POU6F1: variants seen among roughly 807,000 people sequenced by gnomAD.
The protein encoded by POU6F1 is POU class 6 homeobox 1.
In POU6F1, 9 loss-of-function variants were observed where a neutral mutation model predicts 28.9. The ratio of observed to expected loss-of-function variants is 0.31; its 90% confidence interval spans 0.19 to 0.54. POU6F1 has a LOEUF of 0.54. POU6F1 is among the 20% of genes least tolerant of loss of function. The probability of loss-of-function intolerance (pLI) is 0.94; values close to 1 mark genes in which losing one functional copy is unlikely to be tolerated. For synonymous variants in POU6F1, 173 were observed against 171.1 expected (o/e 1.01, Z -0.09); for missense variants, 338 against 426.1 (o/e 0.79, Z 1.82).
rs551218905 is a variant in POU6F1, at chr12:51,187,895, C to T, written c.*2352G>A. 1.3e-5 allele frequency: 2 copies of T among 152,268 alleles called. No homozygotes were observed. The highest frequency in any genetic ancestry group is 1.9e-4 in the East Asian group (1 of 5,182). 9.4% of individuals were successfully genotyped at this position (152,268 alleles called of 1,614,324 possible). A position where few individuals can be genotyped will look rare whatever the true frequency, so the allele number is the denominator to read the frequency against. ...TGTCTCTCTCAAAAAAGAAAGCATA[C>T]CTGAATGCAAGCGTCTGAGCATGAA... On this transcript the variant is annotated 3_prime_UTR_variant, in exon 11 of 11. Coordinates refer to ENST00000333640, the MANE Select transcript of POU6F1 (RefSeq NM_001330422.2).
intron 1 of POU6F1, among the ~76,000 whole-genome samples, chr12:51,209,447 T>A (rs1943841863): frequency 6.6e-6 from 1 of 152,260 alleles, no homozygotes; most frequent in African/African-American, 2.4e-5. Flanking sequence ...ATCCACATTG[T>A]AGCATGTGTC....
Position 51,196,800 on chromosome 12 carries a change from TGTCCCTGAGCATTG to T in POU6F1, c.960_973del (p.Asn321GlyfsTer13). The T allele has an allele frequency of 6.2e-7, 1 of 1,613,892 alleles. No homozygotes were observed. The highest frequency in any genetic ancestry group is 8.5e-7 in the Non-Finnish European group (1 of 1,179,872). ...CCAGCCCTGTCTTTGGCCACTTGCC[TGTCCCTGAGCATTG>T]GTGAGGATCTGACTGCTGATCCCTG... On this transcript the variant is annotated frameshift_variant and splice_region_variant, in exon 7 of 11. Transcript: ENST00000333640. LOFTEE classifies it high-confidence loss of function.
At position 51,197,878 on chromosome 12, in the gene POU6F1, G is replaced by T. The variant is rs1416107021; in HGVS notation, c.738C>A (p.Ile246=). 6 of 406,242 alleles carry T rather than the reference G, an allele frequency of 1.5e-5. No homozygotes were observed. The highest frequency in any genetic ancestry group is 1.0e-4 in the African/African-American group (5 of 48,718). 25.2% of individuals were successfully genotyped at this position (406,242 alleles called of 1,614,324 possible). A position where few individuals can be genotyped will look rare whatever the true frequency, so the allele number is the denominator to read the frequency against. The change falls in exon 6 of 11, where the codon ATC becomes ATA. Residue 246 remains isoleucine, a synonymous_variant. Coordinates refer to ENST00000333640, the MANE Select transcript of POU6F1 (RefSeq NM_001330422.2). Reference sequence around the variant, plus strand: ...CGGTGGCAGCAGTGGGCTGCGGGAGGATGGCAGGTGTGGTCTGCAGCAGCG... The same window carrying T: ...CGGTGGCAGCAGTGGGCTGCGGGAGTATGGCAGGTGTGGTCTGCAGCAGCG... The part of the protein sequence containing the change: ...TQPLLQTTPA[I]LPQPTAATAA...
chr12:51,207,506 C>T (rs1168242785), intron 1 of POU6F1: 3 of 152,112 alleles, frequency 2.0e-5, no homozygotes, highest in Non-Finnish European at 4.4e-5. Context: ...TGACCCTGAC[C>T]CTCAGAACCT....
rs1944342171 is a variant in POU6F1, at chr12:51,217,387, CGCGGGCGGGCG to C, written c.-48+244_-48+254del. Among the ~76,000 whole-genome samples the C allele has an allele frequency of 6.6e-6, 1 of 152,080 alleles. No homozygotes were observed. The highest frequency in any genetic ancestry group is 1.5e-5 in the Non-Finnish European group (1 of 67,996). On this transcript the variant is annotated intron_variant, in intron 1 of 10. Transcript: ENST00000333640. The surrounding 1 kb of genome is among the most constrained non-coding windows in gnomAD (Gnocchi z 5.3). ...CCTCCGCTCCAGGTCCAGAGCGGCC[CGCGGGCGGGCG>C]AGGGCGCGGCCCCCGGGTGTCTAGC...
chr12:51,204,412 T>G (rs1418648872), intron 2 of POU6F1, 44 bp from the exon 3 acceptor site: 1 of 398,902 alleles, frequency 2.5e-6, no homozygotes, highest in Non-Finnish European at 4.4e-6. Flanking sequence ...GGGGCCAGTA[T>G]AGCCGCAGGG....
Position 51,189,488 on chromosome 12 carries a change from A to T in POU6F1, c.*759T>A, listed in dbSNP as rs932389701. ...ATTTTCTAAATTCCCAACCTTCTGC[A>T]GACCCAGGAGAACTCCAGAACAGGT... On this transcript the variant is annotated 3_prime_UTR_variant, in exon 11 of 11. Coordinates refer to ENST00000333640, the MANE Select transcript of POU6F1 (RefSeq NM_001330422.2). 1.3e-5 allele frequency: 2 copies of T among 152,254 alleles called. No individual in the cohort carries two copies. Among genetic ancestry groups the T allele is most frequent in the African/African-American group, 4.8e-5 (2 of 41,470 alleles). 9.4% of individuals were successfully genotyped at this position (152,254 alleles called of 1,614,324 possible). A position where few individuals can be genotyped will look rare whatever the true frequency, so the allele number is the denominator to read the frequency against.
In POU6F1 at chr12:51,217,753, C is replaced by G. The variant is rs1190495923; in HGVS notation, c.-159G>C. ...GGGCCGGGGCCGGGGCCACGGCGGC[C>G]GCCGCCCGCAGACAAAGAAGCCAGT... On this transcript the variant is annotated 5_prime_UTR_variant, in exon 1 of 11. Coordinates refer to ENST00000333640, the MANE Select transcript of POU6F1 (RefSeq NM_001330422.2). The surrounding 1 kb of genome is among the most constrained non-coding windows in gnomAD (Gnocchi z 5.3). The G allele has an allele frequency of 2.0e-5, 3 of 152,014 alleles. No individual in the cohort carries two copies. Among genetic ancestry groups the G allele is most frequent in the African/African-American group, 7.3e-5 (3 of 41,346 alleles). 9.4% of individuals were successfully genotyped at this position (152,014 alleles called of 1,614,324 possible). A position where few individuals can be genotyped will look rare whatever the true frequency, so the allele number is the denominator to read the frequency against.
chr12:51,204,801 C>G (rs982127794), intron 2 of POU6F1, among the ~76,000 whole-genome samples: 1 of 152,102 alleles, frequency 6.6e-6, no homozygotes, highest in African/African-American at 2.4e-5. Flanking sequence ...GGGCCAGGAA[C>G]CAAATCCCTC....
At chr12:51,216,529 A>C (rs1481429890) in intron 1 of POU6F1, among the ~76,000 whole-genome samples, 1 of 152,234 alleles carries the variant, frequency 6.6e-6, no homozygotes, top group East Asian at 1.9e-4. Flanking sequence ...TTGTTGAACT[A>C]ATGAAGAAAT....
rs751779343 is a variant in POU6F1, at chr12:51,191,597, G to T, written c.1489C>A (p.Arg497=). 2.5e-6 allele frequency: 4 copies of T among 1,612,734 alleles called. No homozygotes were observed. The Admixed American group carries it at 6.7e-5, about 27-fold the overall frequency. ...CCTGTCTAGGGCAGCCTTACTCACC[G>T]GCAGATGGCTGACTGGCTGTAGGCT... ...GPAYSQSAIC[R]FEKLDITPKS... is the part of the protein sequence containing the mutation. Residue 497 remains arginine (R), a splice_region_variant and synonymous_variant, in exon 10 of 11, where the codon CGG becomes AGG. Transcript: ENST00000333640.
intron 6 of POU6F1, 186 bp from the exon 7 acceptor site, chr12:51,197,113 C>T: frequency 3.0e-6 from 1 of 332,006 alleles, no homozygotes. Flanking sequence ...TAGGGGTCTA[C>T]CTGCTGGATG....
At chr12:51,200,157 C>T (rs1943115122) in intron 3 of POU6F1, among the ~76,000 whole-genome samples, 1 of 152,180 alleles carries the variant, frequency 6.6e-6, no homozygotes, top group African/African-American at 2.4e-5. Flanking sequence ...TGAGTGTTAG[C>T]CCTCATTTCC....
rs968729728 is a variant in POU6F1, at chr12:51,187,210, C to G, written c.*3037G>C. On this transcript the variant is annotated 3_prime_UTR_variant, in exon 11 of 11. Coordinates refer to ENST00000333640, the MANE Select transcript of POU6F1 (RefSeq NM_001330422.2). ...GCTGAGTTCTTTCCCTGGACTTCAC[C>G]TGGATAAAATGCCGTGGTAATGCAG... is the stretch of plus-strand genomic sequence containing the variant. 2 of 152,204 alleles carry G rather than the reference C, an allele frequency of 1.3e-5. No homozygotes were observed. The highest frequency in any genetic ancestry group is 2.4e-5 in the African/African-American group (1 of 41,448). The allele number at this position is 152,204 out of a possible 1,614,324, so 9.4% of individuals were successfully genotyped here.
Position 51,190,015 on chromosome 12 carries a change from A to G in POU6F1, c.*232T>C. The G allele has an allele frequency of 1.5e-6, 1 of 682,816 alleles. No individual in the cohort carries two copies. The highest frequency in any genetic ancestry group is 2.1e-5 in the South Asian group (1 of 47,934). 42.3% of individuals were successfully genotyped at this position (682,816 alleles called of 1,614,324 possible). ...TGACGTCACAAATCCTCTTCTTCGG[A>G]GTGACCAGCCCAGAGCCTGGAGCTC... On this transcript the variant is annotated 3_prime_UTR_variant, in exon 11 of 11. Transcript: ENST00000333640. The surrounding 1 kb of genome is among the most constrained non-coding windows in gnomAD (Gnocchi z 4.5).
Position 51,196,018 on chromosome 12 carries a change from A to C in POU6F1, c.1131T>G (p.Pro377=), listed in dbSNP as rs1300675600. The C allele has an allele frequency of 6.9e-7, 1 of 1,441,296 alleles. No homozygotes were observed. The highest frequency in any genetic ancestry group is 3.4e-5 in the East Asian group (1 of 29,820). 89.3% of individuals were successfully genotyped at this position (1,441,296 alleles called of 1,614,324 possible). ...ATLASSPLPP[P]VAVRKPSTPE... is the part of the protein sequence containing the mutation. ...GTGTGCTTGGCTTCCGGACAGCCAC[A>C]GGTGGAGGCAGGGGGCTGCTAGCCA... Residue 377 remains proline, a synonymous_variant, in exon 8 of 11, where the codon CCT becomes CCG. Transcript: ENST00000333640.
intron 1 of POU6F1, among the ~76,000 whole-genome samples, chr12:51,208,869 T>C (rs749972094): frequency 4.6e-5 from 7 of 152,028 alleles, no homozygotes; most frequent in Admixed American, 6.6e-5. Context: ...CCCAGGAGGT[T>C]GAGGCTGTGG....
intron 8 of POU6F1, among the ~76,000 whole-genome samples, chr12:51,192,821 C>A (rs57937070): frequency 2.4e-4 from 37 of 151,722 alleles, no homozygotes; most frequent in African/African-American, 9.0e-4. Flanking sequence ...AGGAGAATTG[C>A]TTGAACCTGG....
At chr12:51,198,424 G>A in intron 5 of POU6F1, 126 bp downstream of exon 5, 1 of 398,210 alleles carries the variant, frequency 2.5e-6, no homozygotes. Flanking sequence ...CAAGACACCG[G>A]ATCCAGACTC....
Sources: gnomAD v4.1 joint callset for allele counts (sites outside exome capture counted in the v4.1 genomes callset) on GRCh38, gnomAD v4.1.1 for gene constraint, Gnocchi (gnomAD v3.1) non-coding constraint, MANE v1.5 for transcripts, NCBI Gene and HGNC (gene_info 2026-07-23, HGNC 2026-07-21) for gene names.